Variants in SH3BP4 observed in about 807,000 individuals in gnomAD.
SH3BP4 encodes SH3 domain-binding protein 4.
SH3BP4 carries 33 observed loss-of-function variants against 65.5 expected under a neutral mutation model. The ratio of observed to expected loss-of-function variants is 0.50; its 90% CI spans 0.38 to 0.67. The LOEUF (loss-of-function observed/expected upper bound fraction) is 0.67, where lower values mean the gene tolerates loss of function less well. Among genes scored for constraint, SH3BP4 ranks in the 30% least tolerant of loss-of-function variants. The pLI is 0.00. For synonymous variants in SH3BP4, 552 were observed against 545.5 expected (o/e 1.01, Z -0.17); for missense variants, 1,134 against 1,261.4 (o/e 0.90, Z 1.53).
intron 1 of SH3BP4, 23 bp from the exon 2 acceptor site, chr2:234,995,280 C>G (rs962472221): frequency 6.6e-6 from 1 of 152,284 alleles, no homozygotes. Context: ...GAAGCTCACT[C>G]GTGTTTCCTT....
chr2:234,997,175 C>T lies in SH3BP4; in HGVS notation c.-133+1799C>T, dbSNP rs921613385. On this transcript the variant is annotated intron_variant, in intron 2 of 5. Transcript: ENST00000392011. This position sits in a 1 kb window ranked among gnomAD's most constrained non-coding sequence, Gnocchi z 4.2. ...TGCTTGGGGGCGTGGGTCCCCACAG[C>T]AGTTAGAGACCATCCACAGGCCACC... Among the ~76,000 whole-genome samples, 5 of 152,280 alleles carry T rather than the reference C, an allele frequency of 3.3e-5. No homozygotes were observed. The highest frequency in any genetic ancestry group is 9.6e-5 in the African/African-American group (4 of 41,566).
rs958045594 is a variant in SH3BP4 at position 234,977,012 on chromosome 2, C to G, written c.-206-18291C>G. On this transcript the variant is annotated intron_variant, in intron 1 of 5. Coordinates refer to ENST00000392011, the MANE Select transcript of SH3BP4 (RefSeq NM_014521.3). The surrounding 1 kb of genome is among the most constrained non-coding windows in gnomAD (Gnocchi z 5.1). ...CCGACATCCATTGTGACAAAGGTGC[C>G]GTCCTCCTGTAAGACACTCACAGGG... 6.6e-6 allele frequency among the ~76,000 whole-genome samples: 1 copy of G among 152,182 alleles called. No individual in the cohort carries two copies. The highest frequency in any genetic ancestry group is 1.5e-5 in the Non-Finnish European group (1 of 68,024).
In SH3BP4 at chr2:234,952,408, G is replaced by T. The variant is rs1042613381; in HGVS notation, c.-207+238G>T. On this transcript the variant is annotated intron_variant, in intron 1 of 5. Transcript: ENST00000392011. This position sits in a 1 kb window ranked among gnomAD's most constrained non-coding sequence, Gnocchi z 6.5. ...GGGCGCTCGGGTCTCCCTGGTGCTG[G>T]TGGGCAGGGACCCGGCCCGGGGTTC... 1.3e-5 allele frequency among the ~76,000 whole-genome samples: 2 copies of T among 151,064 alleles called. No homozygotes were observed. The highest frequency in any genetic ancestry group is 2.4e-5 in the African/African-American group (1 of 41,306).
intron 2 of SH3BP4, among the ~76,000 whole-genome samples, chr2:235,011,024 CCCTTCCTCCCTCTTCTAGGAGAAA>C (rs1332337839): frequency 2.7e-5 from 4 of 146,896 alleles, no homozygotes; most frequent in African/African-American, 1.0e-4. Flanking sequence ...TCTCCTGAAA[CCCTTCCTCCCTCTTCTAGGAGAAA>C]CCTTCCTCCC....
At chr2:234,959,214 C>G (rs777395278) in intron 1 of SH3BP4, among the ~76,000 whole-genome samples, 1 of 152,192 alleles carries the variant, frequency 6.6e-6, no homozygotes, top group East Asian at 1.9e-4. Context: ...CAGACACACC[C>G]GAGGAACCTG....
In SH3BP4 at chr2:234,974,522, C is replaced by T. The variant is rs918715541; in HGVS notation, c.-206-20781C>T. On this transcript the variant is annotated intron_variant, in intron 1 of 5. Coordinates refer to ENST00000392011, the MANE Select transcript of SH3BP4 (RefSeq NM_014521.3). The surrounding 1 kb of genome is among the most constrained non-coding windows in gnomAD (Gnocchi z 4.6). ...GCTAACAGGAGTATCCTGCATCCCA[C>T]CACAGGATGTGCTGAGTCCACTTGG... 2.0e-5 allele frequency among the ~76,000 whole-genome samples: 3 copies of T among 152,172 alleles called. No homozygotes were observed. Among genetic ancestry groups the T allele is most frequent in the Non-Finnish European group, 2.9e-5 (2 of 68,042 alleles).
intron 1 of SH3BP4, among the ~76,000 whole-genome samples, chr2:234,989,029 T>C (rs940666818): frequency 4.6e-5 from 7 of 152,180 alleles, no homozygotes; most frequent in African/African-American, 7.2e-5. Flanking sequence ...TAAGTTTTAA[T>C]AGTGTTGATT....
intron 2 of SH3BP4, among the ~76,000 whole-genome samples, chr2:235,023,850 C>T (rs1694916413): frequency 6.6e-6 from 1 of 152,102 alleles, no homozygotes; most frequent in African/African-American, 2.4e-5. Flanking sequence ...AATGGCTGCA[C>T]AGCTGTTTCT....
At chr2:234,982,149 G>A (rs1693407383) in intron 1 of SH3BP4, among the ~76,000 whole-genome samples, 1 of 152,184 alleles carries the variant, frequency 6.6e-6, no homozygotes, top group African/African-American at 2.4e-5. Context: ...CGGCTGTTCT[G>A]GGTTTTGTCT....
intron 1 of SH3BP4, chr2:234,980,013 C>T (rs1448291796): frequency 7.2e-5 from 11 of 152,276 alleles, no homozygotes; most frequent in African/African-American, 2.2e-4. Flanking sequence ...TTGTTTGGGG[C>T]GATTTGTTAC....
At chr2:234,988,283 T>A (rs1411134975) in intron 1 of SH3BP4, among the ~76,000 whole-genome samples, 1 of 152,090 alleles carries the variant, frequency 6.6e-6, no homozygotes, top group Non-Finnish European at 1.5e-5. Context: ...ATAGTCTTGA[T>A]CTCCTGACCT....
Position 235,054,106 on chromosome 2 carries a change from G to T in SH3BP4, c.*290G>T, listed in dbSNP as rs552214001. On this transcript the variant is annotated 3_prime_UTR_variant, in exon 6 of 6. Transcript: ENST00000392011. ...TGGGGGGAAGGGATCTATGAGAAAG[G>T]TGGTATCTAATTTTTTTATGGACCA... is the stretch of plus-strand genomic sequence containing the variant. 12 of 350,026 alleles carry T rather than the reference G, an allele frequency of 3.4e-5. No individual in the cohort carries two copies. The highest frequency in any genetic ancestry group is 2.0e-4 in the East Asian group (4 of 19,584). 21.7% of individuals were successfully genotyped at this position (350,026 alleles called of 1,614,324 possible).
chr2:234,989,742 T>C (rs879589871), intron 1 of SH3BP4, among the ~76,000 whole-genome samples: 3 of 152,210 alleles, frequency 2.0e-5, no homozygotes, highest in Non-Finnish European at 4.4e-5. Flanking sequence ...TCGTGAAATA[T>C]TACTCTTTTT....
At chr2:235,009,792 A>T (rs2106293999) in intron 2 of SH3BP4, among the ~76,000 whole-genome samples, 1 of 151,298 alleles carries the variant, frequency 6.6e-6, no homozygotes, top group South Asian at 2.1e-4. Context: ...CATGTCCAGG[A>T]GAAAACCCTC....
chr2:234,974,423 A>G lies in SH3BP4; in HGVS notation c.-206-20880A>G, dbSNP rs967163279. ...TTGTGAAGGTCATGAGTTCCAGCCC[A>G]TTTCACTGCTCCATAAAATGCTACG... is the stretch of plus-strand genomic sequence containing the variant. On this transcript the variant is annotated intron_variant, in intron 1 of 5. Coordinates refer to ENST00000392011, the MANE Select transcript of SH3BP4 (RefSeq NM_014521.3). The surrounding 1 kb of genome is among the most constrained non-coding windows in gnomAD (Gnocchi z 4.6). Among the ~76,000 whole-genome samples the G allele has an allele frequency of 6.6e-6, 1 of 152,192 alleles. No homozygotes were observed. Among genetic ancestry groups the G allele is most frequent in the South Asian group, 2.1e-4 (1 of 4,830 alleles).
chr2:235,053,506 A>T, intron 5 of SH3BP4, 86 bp from the exon 6 acceptor site: 2 of 993,564 alleles, frequency 2.0e-6, no homozygotes, highest in South Asian at 1.4e-5. Flanking sequence ...CTGAAGCTGC[A>T]CCAAGTAATA....
In SH3BP4 at chr2:235,038,280, ATTATATAT is replaced by A. The variant is rs1559254151; in HGVS notation, c.119-2607_119-2600del. On this transcript the variant is annotated intron_variant, in intron 3 of 5. Coordinates refer to ENST00000392011, the MANE Select transcript of SH3BP4 (RefSeq NM_014521.3). The stretch of plus-strand genomic sequence containing the variant: ...ATAATATATATTATATATAATATAT[ATTATATAT>A]AATATATATATTATATATATATATT... Among the ~76,000 whole-genome samples, 65 of 23,636 alleles carry A rather than the reference ATTATATAT, an allele frequency of 2.8e-3. 4 individuals are homozygous for A. In the African/African-American group the frequency reaches 0.036, roughly 13 times the overall value. 15.5% of individuals were successfully genotyped at this position (23,636 alleles called of 152,430 possible).
Position 234,982,989 on chromosome 2 carries a change from G to A in SH3BP4, c.-206-12314G>A, listed in dbSNP as rs59070367. Among the ~76,000 whole-genome samples the A allele has an allele frequency of 2.6e-3, 392 of 152,324 alleles. 3 individuals carry two copies. The highest frequency in any genetic ancestry group is 9.0e-3 in the African/African-American group (375 of 41,564). On this transcript the variant is annotated intron_variant, in intron 1 of 5. Coordinates refer to ENST00000392011, the MANE Select transcript of SH3BP4 (RefSeq NM_014521.3). ...GAGACCAGCGGGGAGGTGGTGGATC[G>A]GTGGACCTGAGACCAAACTGCCGAT...
chr2:235,011,678 G>GTATT (rs1345055538), intron 2 of SH3BP4, among the ~76,000 whole-genome samples: 3 of 152,192 alleles, frequency 2.0e-5, no homozygotes, highest in Non-Finnish European at 4.4e-5. Flanking sequence ...CAGTACCTGT[G>GTATT]TATTTAGTGA....
Sources: allele counts gnomAD v4.1 joint callset (sites outside exome capture counted in the v4.1 genomes callset), GRCh38; gene constraint gnomAD v4.1.1; non-coding constraint Gnocchi (gnomAD v3.1); transcripts MANE v1.5; gene names NCBI Gene and HGNC (gene_info 2026-07-23, HGNC 2026-07-21).